Variants in SGCZ observed in about 807,000 individuals in gnomAD.
SGCZ encodes the protein zeta-sarcoglycan.
In SGCZ, 40 loss-of-function variants were observed where a neutral mutation model predicts 41.3. That is an observed-to-expected ratio of 0.97 (90% CI 0.75 to 1.26). The LOEUF is 1.26. Among genes scored for constraint, SGCZ ranks in the 50% most tolerant of loss-of-function variants. The pLI is 0.00. For missense variants in SGCZ, 552 were observed against 369.8 expected, an observed-to-expected ratio of 1.49 and a Z score of -4.04; for synonymous variants, 206 against 137.5, an observed-to-expected ratio of 1.50 and a Z score of -3.49.
intron 1 of SGCZ, among the ~76,000 whole-genome samples, chr8:14,982,165 A>G (rs1481860201): frequency 6.6e-6 from 1 of 152,078 alleles, no homozygotes; most frequent in Admixed American, 6.6e-5. Flanking sequence ...CTCAAAAAAA[A>G]AAAAAAAGGA....
At chr8:14,310,726 A>G (rs931876821) in intron 3 of SGCZ, among the ~76,000 whole-genome samples, 4 of 152,050 alleles carry the variant, frequency 2.6e-5, no homozygotes, top group African/African-American at 9.7e-5. Flanking sequence ...ATCTTTATAG[A>G]AGGGATTTGT....
At chr8:14,794,676 G>A (rs951348402) in intron 1 of SGCZ, among the ~76,000 whole-genome samples, 1 of 152,088 alleles carries the variant, frequency 6.6e-6, no homozygotes, top group African/African-American at 2.4e-5. Flanking sequence ...AAAGGTATAG[G>A]GTCCAGACTG....
intron 1 of SGCZ, among the ~76,000 whole-genome samples, chr8:15,072,414 C>G (rs1285732949): frequency 1.3e-5 from 2 of 152,200 alleles, no homozygotes; most frequent in African/African-American, 4.8e-5. Context: ...TTCTTTGGAA[C>G]TCCAAATTCC....
chr8:14,430,262 C>G (rs1799906411), intron 2 of SGCZ, among the ~76,000 whole-genome samples: 1 of 152,106 alleles, frequency 6.6e-6, no homozygotes, highest in Non-Finnish European at 1.5e-5. Context: ...CTACAGACCA[C>G]TATCCCTAAT....
intron 1 of SGCZ, among the ~76,000 whole-genome samples, chr8:14,985,772 A>G (rs1329046758): frequency 5.3e-5 from 8 of 152,204 alleles, no homozygotes; most frequent in Non-Finnish European, 1.2e-4. Flanking sequence ...CATTCTGTGA[A>G]ACACCAATGA....
At chr8:15,167,337 C>T (rs1404976468) in intron 1 of SGCZ, among the ~76,000 whole-genome samples, 2 of 152,210 alleles carry the variant, frequency 1.3e-5, no homozygotes, top group African/African-American at 4.8e-5. Flanking sequence ...ATGGAGGAAA[C>T]TGGCCTCACG....
At chr8:14,357,088 A>C (rs1803325699) in intron 2 of SGCZ, among the ~76,000 whole-genome samples, 1 of 152,150 alleles carries the variant, frequency 6.6e-6, no homozygotes, top group Admixed American at 6.6e-5. Flanking sequence ...AAATTGTAAA[A>C]AAAAGTAAGT....
chr8:14,630,765 A>T (rs1806621616), intron 1 of SGCZ, among the ~76,000 whole-genome samples: 1 of 151,404 alleles, frequency 6.6e-6, no homozygotes, highest in South Asian at 2.1e-4. Context: ...GCAAACTGTC[A>T]CAAGGACGGA....
In SGCZ at chr8:14,749,079, C is replaced by T. The variant is rs567108168; in HGVS notation, c.40-194153G>A. Among the ~76,000 whole-genome samples the T allele has an allele frequency of 3.9e-5, 6 of 152,118 alleles. No homozygotes were observed. The East Asian group carries it at 9.7e-4, about 25-fold the overall frequency. On this transcript the variant is annotated intron_variant, in intron 1 of 7. Coordinates refer to ENST00000382080, the MANE Select transcript of SGCZ (RefSeq NM_139167.4). ...TCTAATGAATTCTAATAGGTTAGCT[C>T]ATTAAGTGAATTAATCTTCTATTCA...
intron 2 of SGCZ, among the ~76,000 whole-genome samples, chr8:14,523,574 C>G (rs569222401): frequency 6.6e-6 from 1 of 151,928 alleles, no homozygotes; most frequent in South Asian, 2.1e-4. Flanking sequence ...TGTTATTTCC[C>G]TCTTATTGCT....
intron 1 of SGCZ, among the ~76,000 whole-genome samples, chr8:14,654,914 C>G (rs73188158): frequency 0.16 from 23,547 of 151,852 alleles, 2,303 homozygotes; most frequent in Admixed American, 0.23. Flanking sequence ...ATCTATTTTT[C>G]TCAGCCTCCC....
chr8:14,759,878 C>T (rs1223883859), intron 1 of SGCZ, among the ~76,000 whole-genome samples: 1 of 152,148 alleles, frequency 6.6e-6, no homozygotes, highest in Admixed American at 6.5e-5. Context: ...CCATGTGGCC[C>T]AGGTTCCAGG....
intron 1 of SGCZ, among the ~76,000 whole-genome samples, chr8:15,047,364 C>T (rs1040087420): frequency 1.3e-5 from 2 of 152,006 alleles, no homozygotes; most frequent in African/African-American, 2.4e-5. Flanking sequence ...AAATCCTGTC[C>T]TTGAGGGAAA....
At chr8:14,966,169 G>T (rs993279665) in intron 1 of SGCZ, among the ~76,000 whole-genome samples, 1 of 151,556 alleles carries the variant, frequency 6.6e-6, no homozygotes, top group Non-Finnish European at 1.5e-5. Context: ...CTAGAAAACA[G>T]ATAACCAAAA....
chr8:14,197,541 G>T (rs1376041473), intron 4 of SGCZ, among the ~76,000 whole-genome samples: 1 of 151,704 alleles, frequency 6.6e-6, no homozygotes, highest in African/African-American at 2.4e-5. Context: ...AATTATGCCA[G>T]ATCAAATTAA....
intron 2 of SGCZ, among the ~76,000 whole-genome samples, chr8:14,546,570 A>C (rs983268044): frequency 2.0e-5 from 3 of 152,158 alleles, no homozygotes; most frequent in African/African-American, 7.2e-5. Flanking sequence ...CATACTTGGC[A>C]CTTACAGATC....
intron 1 of SGCZ, among the ~76,000 whole-genome samples, chr8:14,924,128 G>A (rs574724167): frequency 5.3e-5 from 8 of 152,170 alleles, no homozygotes; most frequent in African/African-American, 1.2e-4. Context: ...TTTGTCTCAC[G>A]TTTGTTCTAA....
rs1801121192 is a variant in SGCZ at position 15,207,953 on chromosome 8, G to A, written c.39+29632C>T. ...TAACTCTTAAGGAATATGGACTGGT[G>A]AATGTCTGTCATTTCCTTTGTTTGC... On this transcript the variant is annotated intron_variant, in intron 1 of 7. Coordinates refer to ENST00000382080, the MANE Select transcript of SGCZ (RefSeq NM_139167.4). Among the ~76,000 whole-genome samples the A allele has an allele frequency of 2.0e-5, 3 of 152,156 alleles. No homozygotes were observed. In the South Asian group the frequency reaches 6.2e-4, roughly 32 times the overall value.
intron 5 of SGCZ, among the ~76,000 whole-genome samples, chr8:14,153,610 C>T (rs184673817): frequency 3.3e-5 from 5 of 152,246 alleles, no homozygotes; most frequent in Admixed American, 1.3e-4. Context: ...GTTTCAGCCA[C>T]AGGCAGGTAC....
Sources: gnomAD v4.1 joint callset for allele counts (sites outside exome capture counted in the v4.1 genomes callset) on GRCh38, gnomAD v4.1.1 for gene constraint, MANE v1.5 for transcripts, NCBI Gene and HGNC (gene_info 2026-07-23, HGNC 2026-07-21) for gene names.